The following PEA15 variants were observed in gnomAD, a reference collection of about 807,000 sequenced individuals.
PEA15 encodes astrocytic phosphoprotein PEA-15.
For synonymous variants in PEA15, 60 were observed against 61.8 expected, an observed-to-expected ratio of 0.97 and a Z score of 0.13; for missense variants, 77 against 161.3, an observed-to-expected ratio of 0.48 and a Z score of 2.83.
intron 1 of PEA15, chr1:160,206,131 G>C (rs1392701147): frequency 6.6e-6 from 1 of 152,468 alleles, no homozygotes; most frequent in Non-Finnish European, 1.5e-5. Context: ...ACACACCCAT[G>C]TGACTTATAC....
At chr1:160,207,020 T>C (rs1654628292) in intron 1 of PEA15, 1 of 152,466 alleles carries the variant, frequency 6.6e-6, no homozygotes, top group Admixed American at 6.6e-5. Context: ...CCTCACTCTC[T>C]CACACAGATC....
chr1:160,210,655 G>C (rs1271813852), intron 1 of PEA15, among the ~76,000 whole-genome samples: 1 of 152,118 alleles, frequency 6.6e-6, no homozygotes, highest in African/African-American at 2.4e-5. Flanking sequence ...GATACGAGAA[G>C]GGGGGGCAGT....
rs1034056175 is a variant in PEA15, at chr1:160,210,298, C to T, written c.-2-1245C>T. Among the ~76,000 whole-genome samples, 7 of 152,218 alleles carry T rather than the reference C, an allele frequency of 4.6e-5. No homozygotes were observed. In the East Asian group the frequency reaches 1.3e-3, roughly 29 times the overall value. ...ACAAGGTCATCTTGCTGCTTGCCCACCCCTTGGTCTAGTCGCATACAGAGT... is the reference window on the plus strand; with the variant it reads ...ACAAGGTCATCTTGCTGCTTGCCCATCCCTTGGTCTAGTCGCATACAGAGT... On this transcript the variant is annotated intron_variant, in intron 1 of 3. Transcript: ENST00000360472.
intron 1 of PEA15, among the ~76,000 whole-genome samples, chr1:160,209,177 G>C (rs1441476883): frequency 6.6e-6 from 1 of 152,008 alleles, no homozygotes; most frequent in Non-Finnish European, 1.5e-5. Flanking sequence ...TGCACCCACA[G>C]CCATATATCC....
At position 160,205,401 on chromosome 1, in the gene PEA15, A is replaced by T; in HGVS notation, c.-124A>T. 1 of 183,132 alleles carries T rather than the reference A, an allele frequency of 5.5e-6. No homozygotes were observed. The highest frequency in any genetic ancestry group is 1.1e-5 in the Non-Finnish European group (1 of 93,294). 11.3% of individuals were successfully genotyped at this position (183,132 alleles called of 1,614,324 possible). On this transcript the variant is annotated 5_prime_UTR_variant, in exon 1 of 4. Coordinates refer to ENST00000360472, the MANE Select transcript of PEA15 (RefSeq NM_003768.5). This position sits in a 1 kb window ranked among gnomAD's most constrained non-coding sequence, Gnocchi z 5.9. ...CGGGCTCCGGCTCCGCGGGCGGAAG[A>T]GGCGGCGGCGGCGGCAGAAGCGGCG...
chr1:160,206,287 G>A (rs143261603), intron 1 of PEA15: 1 of 152,408 alleles, frequency 6.6e-6, no homozygotes, highest in Non-Finnish European at 1.5e-5. Context: ...GGACAGCTGA[G>A]TGGACAGAAA....
rs143171029 is a variant in PEA15, at chr1:160,212,176, C to T, written c.172+460C>T. ...GAGACTACTGCTTGGGGAGTGGGATCTATGGATTAGAGTAATCCCTCACAG... is the reference window on the plus strand; with the variant it reads ...GAGACTACTGCTTGGGGAGTGGGATTTATGGATTAGAGTAATCCCTCACAG... On this transcript the variant is annotated intron_variant, in intron 2 of 3. Transcript: ENST00000360472. Among the ~76,000 whole-genome samples the T allele has an allele frequency of 6.4e-4, 97 of 152,132 alleles. 1 individual carries two copies. Among genetic ancestry groups the T allele is most frequent in the African/African-American group, 2.2e-3 (93 of 41,530 alleles).
At chr1:160,212,008 T>A (rs1263617473) in intron 2 of PEA15, among the ~76,000 whole-genome samples, 2 of 152,136 alleles carry the variant, frequency 1.3e-5, no homozygotes, top group Non-Finnish European at 2.9e-5. Flanking sequence ...TTCTAGACAA[T>A]AAAAATGGAA....
intron 1 of PEA15, among the ~76,000 whole-genome samples, chr1:160,209,955 G>A (rs1654800192): frequency 6.6e-6 from 1 of 152,218 alleles, no homozygotes; most frequent in African/African-American, 2.4e-5. Flanking sequence ...CCTTCTGTCT[G>A]GTTGCACCTG....
chr1:160,211,254 C>T (rs180697199), intron 1 of PEA15: 6 of 1,079,826 alleles, frequency 5.6e-6, no homozygotes, highest in African/African-American at 3.3e-5. Flanking sequence ...GTCAGGGGAA[C>T]TGTTGCCAGG....
At position 160,208,511 on chromosome 1, in the gene PEA15, A is replaced by G. The variant is rs899474280; in HGVS notation, c.-3+2989A>G. The G allele has an allele frequency of 6.1e-6, 7 of 1,141,454 alleles. No homozygotes were observed. The Admixed American group carries it at 1.0e-4, about 16-fold the overall frequency. 70.7% of individuals were successfully genotyped at this position (1,141,454 alleles called of 1,614,324 possible). A position where few individuals can be genotyped will look rare whatever the true frequency, so the allele number is the denominator to read the frequency against. ...TGGTGATCCCTGAGCAGCTCTCTGC[A>G]CTGCTCCAGAAATCAGGAGGATTTT... On this transcript the variant is annotated intron_variant, in intron 1 of 3. Transcript: ENST00000360472. This position sits in a 1 kb window ranked among gnomAD's most constrained non-coding sequence, Gnocchi z 4.1.
In PEA15 at chr1:160,205,511, G is replaced by T. The variant is rs1654527559; in HGVS notation, c.-14G>T. ...GGAGTGCCCGCGCCCTGAGCGCTCA[G>T]CTCCAGAGGCGGTGAGAGGGGCGGA... On this transcript the variant is annotated 5_prime_UTR_variant, in exon 1 of 4. Transcript: ENST00000360472. This position sits in a 1 kb window ranked among gnomAD's most constrained non-coding sequence, Gnocchi z 5.9. 1 of 157,154 alleles carries T rather than the reference G, an allele frequency of 6.4e-6. No homozygotes were observed. The highest frequency in any genetic ancestry group is 1.4e-5 in the Non-Finnish European group (1 of 71,072). 9.7% of individuals were successfully genotyped at this position (157,154 alleles called of 1,614,324 possible). A position where few individuals can be genotyped will look rare whatever the true frequency, so the allele number is the denominator to read the frequency against.
Position 160,208,782 on chromosome 1 carries a change from G to C in PEA15, c.-2-2761G>C. 2.3e-6 allele frequency: 2 copies of C among 872,384 alleles called. No homozygotes were observed. The highest frequency in any genetic ancestry group is 3.7e-6 in the Non-Finnish European group (2 of 544,918). The allele number at this position is 872,384 out of a possible 1,614,324, so 54.0% of individuals were successfully genotyped here. A position where few individuals can be genotyped will look rare whatever the true frequency, so the allele number is the denominator to read the frequency against. On this transcript the variant is annotated intron_variant, in intron 1 of 3. Transcript: ENST00000360472. The surrounding 1 kb of genome is among the most constrained non-coding windows in gnomAD (Gnocchi z 4.1). ...TCTCTCCAAGAAGGGAGGCAACTGG[G>C]CTGCCTTTCCTTGTACCGTCAGGGG...
intron 2 of PEA15, among the ~76,000 whole-genome samples, chr1:160,212,294 G>A (rs1654905462): frequency 6.6e-6 from 1 of 152,094 alleles, no homozygotes; most frequent in African/African-American, 2.4e-5. Context: ...ATGCCAGGCA[G>A]AGGAACACTG....
At chr1:160,209,520 C>A (rs548670871) in intron 1 of PEA15, among the ~76,000 whole-genome samples, 5 of 152,088 alleles carry the variant, frequency 3.3e-5, no homozygotes, top group Non-Finnish European at 7.4e-5. Flanking sequence ...GACACACACA[C>A]ACACACACAC....
intron 1 of PEA15, among the ~76,000 whole-genome samples, chr1:160,209,365 C>T (rs1291576543): frequency 1.3e-5 from 2 of 152,196 alleles, no homozygotes; most frequent in African/African-American, 4.8e-5. Context: ...TTAGGGGCCT[C>T]CTTGTATCTT....
chr1:160,211,282 A>G (rs1016671975), intron 1 of PEA15: 303 of 1,150,140 alleles, frequency 2.6e-4, no homozygotes, highest in Non-Finnish European at 3.0e-4. Context: ...TTAGAGGGGG[A>G]AAACAGAAGA....
In PEA15 at chr1:160,213,708, T is replaced by A; in HGVS notation, c.*222T>A. 1.1e-5 allele frequency: 3 copies of A among 278,726 alleles called. No homozygotes were observed. The highest frequency in any genetic ancestry group is 1.4e-5 in the Non-Finnish European group (2 of 143,004). The allele number at this position is 278,726 out of a possible 1,614,324, so 17.3% of individuals were successfully genotyped here. On this transcript the variant is annotated 3_prime_UTR_variant, in exon 4 of 4. Transcript: ENST00000360472. The surrounding 1 kb of genome is among the most constrained non-coding windows in gnomAD (Gnocchi z 5.3). Reference sequence around the variant, plus strand: ...TCTTAAGGGGATGGGGGTCAGGGGCTAGGGGAGGGGGCTGAGTTTCCCCAC... The same window carrying A: ...TCTTAAGGGGATGGGGGTCAGGGGCAAGGGGAGGGGGCTGAGTTTCCCCAC...
In PEA15 at chr1:160,205,537, G is replaced by C. The variant is rs1461346453; in HGVS notation, c.-3+15G>C. On this transcript the variant is annotated intron_variant, in intron 1 of 3. Transcript: ENST00000360472. The surrounding 1 kb of genome is among the most constrained non-coding windows in gnomAD (Gnocchi z 5.9). ...CTCCAGAGGCGGTGAGAGGGGCGGAGAGGAGACATGTCGCGGGGAAGGGGC... is the reference window on the plus strand; with the variant it reads ...CTCCAGAGGCGGTGAGAGGGGCGGACAGGAGACATGTCGCGGGGAAGGGGC... 2 of 155,154 alleles carry C rather than the reference G, an allele frequency of 1.3e-5. No homozygotes were observed. The highest frequency in any genetic ancestry group is 1.3e-4 in the Admixed American group (2 of 15,312). The allele number at this position is 155,154 out of a possible 1,614,324, so 9.6% of individuals were successfully genotyped here.
Sources: gnomAD v4.1 joint callset for allele counts (sites outside exome capture counted in the v4.1 genomes callset) on GRCh38, gnomAD v4.1.1 for gene constraint, Gnocchi (gnomAD v3.1) non-coding constraint, MANE v1.5 for transcripts, NCBI Gene and HGNC (gene_info 2026-07-23, HGNC 2026-07-21) for gene names.